MRRF: variants seen among roughly 807,000 people sequenced by gnomAD.
MRRF encodes ribosome-recycling factor, mitochondrial.
In MRRF, 18 loss-of-function variants were observed where a neutral mutation model predicts 25.1. The ratio of observed to expected loss-of-function variants is 0.72; its 90% confidence interval spans 0.50 to 1.06. MRRF has a LOEUF of 1.06. Among genes scored for constraint, MRRF ranks in the 50% least tolerant of loss-of-function variants. The probability of loss-of-function intolerance (pLI) is 0.00; values close to 1 mark genes in which losing one functional copy is unlikely to be tolerated. For missense variants in MRRF, 323 were observed against 319.3 expected, an observed-to-expected ratio of 1.01 and a Z score of -0.09; for synonymous variants, 113 against 112.1, an observed-to-expected ratio of 1.01 and a Z score of -0.05.
chr9:122,278,579 C>T (rs1832913230), intron 2 of MRRF, among the ~76,000 whole-genome samples: 1 of 152,112 alleles, frequency 6.6e-6, no homozygotes, highest in Non-Finnish European at 1.5e-5. Context: ...CTCATGGTTG[C>T]ATAGTATTTC....
chr9:122,328,587 A>G lies in MRRF; in HGVS notation c.*5970A>G, dbSNP rs987575625. 1 of 152,346 alleles carries G rather than the reference A, an allele frequency of 6.6e-6. No homozygotes were observed. Among genetic ancestry groups the G allele is most frequent in the Middle Eastern group, 3.4e-3 (1 of 294 alleles). 9.4% of individuals were successfully genotyped at this position (152,346 alleles called of 1,614,324 possible). ...TCTAAGGCTGAGTAATCTGTTGTAT[A>G]TATGAATAAGTATATATAAAGCTCC... On this transcript the variant is annotated 3_prime_UTR_variant, in exon 7 of 7. Coordinates refer to ENST00000344641, the MANE Select transcript of MRRF (RefSeq NM_138777.5).
chr9:122,281,481 G>A (rs968662219), intron 3 of MRRF, among the ~76,000 whole-genome samples: 5 of 152,170 alleles, frequency 3.3e-5, no homozygotes, highest in East Asian at 1.9e-4. Context: ...AAACATTACC[G>A]AGTTCAGAGA....
At chr9:122,294,576 C>T (rs1039301334) in intron 5 of MRRF, among the ~76,000 whole-genome samples, 6 of 152,102 alleles carry the variant, frequency 3.9e-5, no homozygotes, top group Admixed American at 3.3e-4. Context: ...TGAATTATAA[C>T]GTTTGGTAGT....
chr9:122,268,314 C>T (rs1832246092), intron 1 of MRRF, among the ~76,000 whole-genome samples: 1 of 152,190 alleles, frequency 6.6e-6, no homozygotes, highest in Non-Finnish European at 1.5e-5. Context: ...ATTTTGATTT[C>T]CTGTTGCTTT....
intron 5 of MRRF, among the ~76,000 whole-genome samples, chr9:122,303,527 G>A (rs1834609865): frequency 6.6e-6 from 1 of 151,994 alleles, no homozygotes; most frequent in African/African-American, 2.4e-5. Context: ...CTACAGGCAT[G>A]AGCCACCAAG....
intron 5 of MRRF, among the ~76,000 whole-genome samples, chr9:122,307,226 A>G (rs530948819): frequency 6.6e-6 from 1 of 152,292 alleles, no homozygotes; most frequent in Admixed American, 6.5e-5. Context: ...ATGCTCCTGT[A>G]GGGGGGAGTC....
chr9:122,282,912 G>A (rs548407009), intron 3 of MRRF, among the ~76,000 whole-genome samples: 1 of 152,204 alleles, frequency 6.6e-6, no homozygotes, highest in South Asian at 2.1e-4. Context: ...AAAAATATAT[G>A]CAAGGGTCCT....
chr9:122,282,411 G>A (rs553314250), intron 3 of MRRF, among the ~76,000 whole-genome samples: 3 of 152,344 alleles, frequency 2.0e-5, no homozygotes, highest in Non-Finnish European at 4.4e-5. Flanking sequence ...GATACAGAGA[G>A]AAAATATATT....
At chr9:122,278,975 C>T (rs955170066) in intron 2 of MRRF, among the ~76,000 whole-genome samples, 4 of 152,048 alleles carry the variant, frequency 2.6e-5, no homozygotes, top group African/African-American at 9.7e-5. Context: ...CGGGTTCAAG[C>T]GATTCTCCTG....
At chr9:122,306,479 C>T (rs375630938) in intron 5 of MRRF, among the ~76,000 whole-genome samples, 1 of 152,096 alleles carries the variant, frequency 6.6e-6, no homozygotes, top group African/African-American at 2.4e-5. Context: ...AATAACTTGC[C>T]CAGGGCCACA....
chr9:122,318,620 C>T (rs1835684083), intron 6 of MRRF, among the ~76,000 whole-genome samples: 1 of 152,170 alleles, frequency 6.6e-6, no homozygotes, highest in Admixed American at 6.5e-5. Flanking sequence ...CTGCCATTCC[C>T]CTTCTCTGTC....
chr9:122,315,927 C>T (rs1430266437), intron 6 of MRRF, among the ~76,000 whole-genome samples: 2 of 152,320 alleles, frequency 1.3e-5, no homozygotes, highest in Middle Eastern at 3.4e-3. Flanking sequence ...CTCATTAGCA[C>T]TGGCTTTTCG....
intron 5 of MRRF, among the ~76,000 whole-genome samples, chr9:122,299,892 G>A (rs1372682425): frequency 6.6e-6 from 1 of 152,146 alleles, no homozygotes; most frequent in Non-Finnish European, 1.5e-5. Context: ...ATGGGCTTTG[G>A]GGTTAGACAG....
At chr9:122,266,675 A>G (rs895855457) in intron 1 of MRRF, among the ~76,000 whole-genome samples, 2 of 152,262 alleles carry the variant, frequency 1.3e-5, no homozygotes, top group South Asian at 2.1e-4. Flanking sequence ...TTGCTGGGAC[A>G]GTAGATAAGC....
Position 122,324,710 on chromosome 9 carries a change from C to G in MRRF, c.*2093C>G, listed in dbSNP as rs967726337. On this transcript the variant is annotated 3_prime_UTR_variant, in exon 7 of 7. Coordinates refer to ENST00000344641, the MANE Select transcript of MRRF (RefSeq NM_138777.5). ...GTTCTTTCAAAGCAACATCCAACTT[C>G]TCTTTGCTCTTTGACTTCCTCCAGA... 10 of 152,258 alleles carry G rather than the reference C, an allele frequency of 6.6e-5. No individual in the cohort carries two copies. Among genetic ancestry groups the G allele is most frequent in the Admixed American group, 6.5e-5 (1 of 15,286 alleles). 9.4% of individuals were successfully genotyped at this position (152,258 alleles called of 1,614,324 possible).
rs1332561077 is a variant in MRRF, at chr9:122,327,080, G to C, written c.*4463G>C. Reference sequence around the variant, plus strand: ...GCTTTCATAAAACACATAGCAAGCTGTTCCTAATTAATGACTGCAAGTAAA... The same window carrying C: ...GCTTTCATAAAACACATAGCAAGCTCTTCCTAATTAATGACTGCAAGTAAA... On this transcript the variant is annotated 3_prime_UTR_variant, in exon 7 of 7. Transcript: ENST00000344641. 2 of 152,190 alleles carry C rather than the reference G, an allele frequency of 1.3e-5. No individual in the cohort carries two copies. The highest frequency in any genetic ancestry group is 2.4e-5 in the African/African-American group (1 of 41,434). 9.4% of individuals were successfully genotyped at this position (152,190 alleles called of 1,614,324 possible).
At chr9:122,265,811 T>C (rs1352904571) in intron 1 of MRRF, 1 of 1,259,154 alleles carries the variant, frequency 7.9e-7, no homozygotes, top group East Asian at 5.6e-5. Flanking sequence ...ATCTCTTAAC[T>C]CTTAGGCAAA....
intron 2 of MRRF, 71 bp downstream of exon 2, chr9:122,271,146 G>T: frequency 4.6e-6 from 6 of 1,310,128 alleles, no homozygotes; most frequent in Non-Finnish European, 5.5e-6. Context: ...TAGCTGGCAG[G>T]TATCTCAGAT....
At chr9:122,282,861 C>T (rs1833163340) in intron 3 of MRRF, among the ~76,000 whole-genome samples, 1 of 152,016 alleles carries the variant, frequency 6.6e-6, no homozygotes, top group Non-Finnish European at 1.5e-5. Context: ...AAGGAATGAG[C>T]AGGATTTATC....
Sources: allele counts gnomAD v4.1 joint callset (sites outside exome capture counted in the v4.1 genomes callset), GRCh38; gene constraint gnomAD v4.1.1; transcripts MANE v1.5; gene names NCBI Gene and HGNC (gene_info 2026-07-23, HGNC 2026-07-21).